The following INO80D variants were observed in gnomAD, a reference collection of about 807,000 sequenced individuals.
The protein encoded by INO80D is INO80 complex subunit D.
In INO80D, 21 loss-of-function variants were observed where a neutral mutation model predicts 87.6. That is an observed-to-expected ratio of 0.24 (90% CI 0.17 to 0.35). The LOEUF (loss-of-function observed/expected upper bound fraction) is 0.35. Among genes scored for constraint, INO80D ranks in the 10% least tolerant of loss-of-function variants. The pLI is 1.00. For synonymous variants in INO80D, 440 were observed against 491.0 expected, an observed-to-expected ratio of 0.90 and a Z score of 1.37; for missense variants, 982 against 1,280.7, an observed-to-expected ratio of 0.77 and a Z score of 3.56.
chr2:206,072,895 T>A (rs1404752319), intron 1 of INO80D, among the ~76,000 whole-genome samples: 2 of 150,908 alleles, frequency 1.3e-5, no homozygotes, highest in Non-Finnish European at 2.9e-5. Context: ...AAGGCTAGAG[T>A]GTACAGTGGC....
At position 206,007,457 on chromosome 2, in the gene INO80D, C is replaced by A. The variant is rs772098683; in HGVS notation, c.1761-16G>T. The A allele has an allele frequency of 4.4e-6, 7 of 1,593,376 alleles. No individual in the cohort carries two copies. The highest frequency in any genetic ancestry group is 1.7e-4 in the Middle Eastern group (1 of 5,978). On this transcript the variant is annotated splice_polypyrimidine_tract_variant and intron_variant, in intron 9 of 10. Coordinates refer to ENST00000403263, the MANE Select transcript of INO80D (RefSeq NM_017759.5). The stretch of plus-strand genomic sequence containing the variant: ...GGATGGGCTCCTGGGAAAGAGGACA[C>A]TGTTGGTCCCATAACTCCCCCATTA...
chr2:206,009,741 C>T lies in INO80D; in HGVS notation c.1596G>A (p.Arg532=), dbSNP rs1441296033. ...NSRKVQHQQQ[R]KPRKKTKPPA... ...GAGGCTTGGTTTTTTTCCTGGGTTT[C>T]CTCTGCTGCTGGTGCTGAACTTTAC... The change falls in exon 9 of 11, where the codon AGG becomes AGA. Residue 532 remains arginine (R), a synonymous_variant. Transcript: ENST00000403263. The T allele has an allele frequency of 1.2e-6, 2 of 1,613,784 alleles. No homozygotes were observed. Among genetic ancestry groups the T allele is most frequent in the East Asian group, 2.2e-5 (1 of 44,872 alleles).
chr2:206,075,626 G>A (rs557606764), intron 1 of INO80D, among the ~76,000 whole-genome samples: 4 of 151,534 alleles, frequency 2.6e-5, no homozygotes, highest in African/African-American at 7.3e-5. Flanking sequence ...TAGTAGACAC[G>A]AGGGTTTCAC....
chr2:206,028,982 G>C (rs1188392359), intron 5 of INO80D, among the ~76,000 whole-genome samples: 1 of 151,794 alleles, frequency 6.6e-6, no homozygotes, highest in Non-Finnish European at 1.5e-5. Context: ...CCATCTCCTG[G>C]GTTCACGCCA....
chr2:206,019,387 G>A (rs1688399971), intron 7 of INO80D, among the ~76,000 whole-genome samples: 1 of 152,164 alleles, frequency 6.6e-6, no homozygotes, highest in African/African-American at 2.4e-5. Flanking sequence ...ACTAAAAACA[G>A]ATTTTAAATA....
At chr2:206,030,451 A>C (rs1401069214) in intron 5 of INO80D, among the ~76,000 whole-genome samples, 1 of 143,692 alleles carries the variant, frequency 7.0e-6, no homozygotes, top group East Asian at 2.2e-4. Context: ...TGACAGAGCA[A>C]GACTTTGTCT....
intron 1 of INO80D, among the ~76,000 whole-genome samples, chr2:206,079,176 G>A (rs185681653): frequency 1.7e-3 from 254 of 152,032 alleles, no homozygotes; most frequent in Non-Finnish European, 3.0e-3. Context: ...GAGTTCAAGC[G>A]ATCCTCTCAC....
chr2:206,066,009 C>G (rs534765079), intron 1 of INO80D, among the ~76,000 whole-genome samples: 1 of 152,252 alleles, frequency 6.6e-6, no homozygotes, highest in African/African-American at 2.4e-5. Context: ...CCTGTAATCC[C>G]AGCACTTTGG....
At chr2:206,081,794 A>G (rs1460343630) in intron 1 of INO80D, among the ~76,000 whole-genome samples, 1 of 151,268 alleles carries the variant, frequency 6.6e-6, no homozygotes, top group East Asian at 1.9e-4. Flanking sequence ...GAAAGAAAGA[A>G]AAGTAAAGTG....
intron 8 of INO80D, among the ~76,000 whole-genome samples, chr2:206,013,627 G>GT (rs921332110): frequency 1.3e-5 from 2 of 151,804 alleles, no homozygotes; most frequent in African/African-American, 2.4e-5. Flanking sequence ...CTGAAGTACA[G>GT]TTTTTTCTAC....
In INO80D at chr2:206,009,654, G is replaced by T; in HGVS notation, c.1683C>A (p.Pro561=). 1 of 1,614,002 alleles carries T rather than the reference G, an allele frequency of 6.2e-7. No homozygotes were observed. The highest frequency in any genetic ancestry group is 8.5e-7 in the Non-Finnish European group (1 of 1,179,908). ...RRRGPRRPQK[P]IPPAVPQGNL... is the part of the protein sequence containing the mutation. ...TCCCTTGGGGGACTGCAGGTGGAAT[G>T]GGTTTTTGGGGTCGACGAGGTCCAC... Residue 561 remains proline (P), a synonymous_variant, in exon 9 of 11, where the codon CCC becomes CCA. Coordinates refer to ENST00000403263, the MANE Select transcript of INO80D (RefSeq NM_017759.5).
chr2:206,060,582 C>T (rs111556865), intron 3 of INO80D, among the ~76,000 whole-genome samples: 1,504 of 144,184 alleles, frequency 0.01, 16 homozygotes, highest in African/African-American at 0.035. Context: ...TTTTTTGAGA[C>T]GGAGTTTCGC....
At chr2:206,019,715 T>G in intron 7 of INO80D, 21 bp downstream of exon 7, 1 of 1,584,578 alleles carries the variant, frequency 6.3e-7, no homozygotes, top group Non-Finnish European at 8.7e-7. Context: ...CAATGCACAT[T>G]CCATTTAGTT....
chr2:205,995,289 C>T lies in INO80D; in HGVS notation c.*9079G>A, dbSNP rs1687789631. 6.6e-6 allele frequency: 1 copy of T among 152,056 alleles called. No homozygotes were observed. Among genetic ancestry groups the T allele is most frequent in the African/African-American group, 2.4e-5 (1 of 41,404 alleles). 9.4% of individuals were successfully genotyped at this position (152,056 alleles called of 1,614,324 possible). On this transcript the variant is annotated 3_prime_UTR_variant, in exon 11 of 11. Transcript: ENST00000403263. ...TTTCTTACTCTCATGGGACAGATGG[C>T]ATTTTTAAAATGACAGTCTCCCTTT... is the stretch of plus-strand genomic sequence containing the variant.
rs1181699847 is a variant in INO80D at position 206,017,773 on chromosome 2, G to A, written c.1449C>T (p.Cys483=). ...LNHSQQLFSS[C]TAKFADGQQC... ...GCTGTCCATCTGCAAACTTGGCTGTGCAACTTGAGAAGAGCTGCTGAGAGT... is the reference window on the plus strand; with the variant it reads ...GCTGTCCATCTGCAAACTTGGCTGTACAACTTGAGAAGAGCTGCTGAGAGT... The change falls in exon 8 of 11, where the codon TGC becomes TGT. Residue 483 remains cysteine (C), a synonymous_variant. Coordinates refer to ENST00000403263, the MANE Select transcript of INO80D (RefSeq NM_017759.5). 4 of 1,613,550 alleles carry A rather than the reference G, an allele frequency of 2.5e-6. No homozygotes were observed. The highest frequency in any genetic ancestry group is 2.5e-6 in the Non-Finnish European group (3 of 1,179,788).
In INO80D at chr2:206,004,599, G is replaced by A. The variant is rs764334367; in HGVS notation, c.2853C>T (p.Thr951=). The change falls in exon 11 of 11, where the codon ACC becomes ACT. Residue 951 remains threonine (T), a synonymous_variant. Transcript: ENST00000403263. The surrounding 1 kb of genome is among the most constrained non-coding windows in gnomAD (Gnocchi z 4.9). ...SSSVLPGLPQ[T]SFSGMGPSAE... ...CAGAAGGCCCCATGCCACTGAAGCTGGTCTGTGGTAACCCCGGAAGCACAC... is the reference window on the plus strand; with the variant it reads ...CAGAAGGCCCCATGCCACTGAAGCTAGTCTGTGGTAACCCCGGAAGCACAC... 3.7e-6 allele frequency: 6 copies of A among 1,612,426 alleles called. No homozygotes were observed. The highest frequency in any genetic ancestry group is 3.3e-5 in the South Asian group (3 of 90,780).
chr2:206,042,844 C>T (rs1307340272), intron 5 of INO80D, among the ~76,000 whole-genome samples: 1 of 151,934 alleles, frequency 6.6e-6, no homozygotes, highest in Non-Finnish European at 1.5e-5. Flanking sequence ...TGGTGGCCTG[C>T]ACCTGTTGTC....
Position 206,062,951 on chromosome 2 carries a change from G to A in INO80D, c.66C>T (p.Pro22=). 1 of 1,613,342 alleles carries A rather than the reference G, an allele frequency of 6.2e-7. No homozygotes were observed. The highest frequency in any genetic ancestry group is 8.5e-7 in the Non-Finnish European group (1 of 1,179,752). Residue 22 remains proline, a synonymous_variant, in exon 3 of 11, where the codon CCC becomes CCT. Transcript: ENST00000403263. The surrounding 1 kb of genome is among the most constrained non-coding windows in gnomAD (Gnocchi z 4.6). ...VDNKPLCSYS[P]KLCKQRRLNG... The stretch of plus-strand genomic sequence containing the variant: ...TGAGTCGCCTCTGCTTGCACAGTTT[G>A]GGGCTATATGAGCACAAGGGCTTAT...
intron 8 of INO80D, among the ~76,000 whole-genome samples, chr2:206,012,494 T>A (rs1374215580): frequency 6.6e-6 from 1 of 152,140 alleles, no homozygotes; most frequent in African/African-American, 2.4e-5. Flanking sequence ...ATTACAATAA[T>A]CCAGGCAAAG....
Sources: gnomAD v4.1 joint callset for allele counts (sites outside exome capture counted in the v4.1 genomes callset) on GRCh38, gnomAD v4.1.1 for gene constraint, Gnocchi (gnomAD v3.1) non-coding constraint, MANE v1.5 for transcripts, NCBI Gene and HGNC (gene_info 2026-07-23, HGNC 2026-07-21) for gene names.